Variants in KLHL29 observed in about 807,000 individuals in gnomAD.
KLHL29 encodes the protein kelch-like protein 29.
A neutral mutation model predicts 80.4 loss-of-function variants in KLHL29; 21 were observed. The observed-to-expected ratio is 0.26, with a 90% CI of 0.19 to 0.38. KLHL29 has a LOEUF of 0.38. Ranked by LOEUF, KLHL29 falls within the 10% of genes least tolerant of loss-of-function variation. The pLI, the probability that KLHL29 is intolerant of heterozygous loss-of-function variation, is 1.00. For synonymous variants in KLHL29, 511 were observed against 526.8 expected (o/e 0.97, Z 0.41); for missense variants, 867 against 1,223.9 (o/e 0.71, Z 4.35).
chr2:23,660,084 C>G (rs1034906141), intron 5 of KLHL29, among the ~76,000 whole-genome samples: 2 of 152,186 alleles, frequency 1.3e-5, no homozygotes, highest in African/African-American at 4.8e-5. Context: ...TTCCCTGGAC[C>G]CCCACACCAT....
chr2:23,436,283 TGTGTGTG>T (rs1663340505), intron 1 of KLHL29, among the ~76,000 whole-genome samples: 2 of 17,416 alleles, frequency 1.1e-4, no homozygotes, highest in Non-Finnish European at 3.0e-4. Context: ...ATCAGCTTTG[TGTGTGTG>T]TGTGTGTGTG....
chr2:23,516,241 A>G (rs1665918425), intron 2 of KLHL29, among the ~76,000 whole-genome samples: 1 of 152,130 alleles, frequency 6.6e-6, no homozygotes, highest in Non-Finnish European at 1.5e-5. Context: ...CTCTGGGGCC[A>G]TGGGCACCTG....
chr2:23,561,057 A>G (rs1253660116), intron 2 of KLHL29, among the ~76,000 whole-genome samples: 1 of 152,180 alleles, frequency 6.6e-6, no homozygotes, highest in Non-Finnish European at 1.5e-5. Context: ...GAGAATGGAA[A>G]AGGCCAAAGG....
At chr2:23,418,650 G>A (rs957107678) in intron 1 of KLHL29, among the ~76,000 whole-genome samples, 8 of 152,226 alleles carry the variant, frequency 5.3e-5, no homozygotes, top group Non-Finnish European at 1.0e-4. Flanking sequence ...GGTAGTAAGG[G>A]AAGCCTGGAC....
intron 3 of KLHL29, among the ~76,000 whole-genome samples, chr2:23,629,574 G>A (rs976774076): frequency 6.6e-6 from 1 of 152,204 alleles, no homozygotes; most frequent in Non-Finnish European, 1.5e-5. Flanking sequence ...TGGGAGGGGG[G>A]CTTGGAGGAA....
At chr2:23,475,436 A>G (rs1664607011) in intron 1 of KLHL29, 124 bp from the exon 2 acceptor site, 1 of 120,354 alleles carries the variant, frequency 8.3e-6, no homozygotes, top group Admixed American at 9.6e-5. Flanking sequence ...GCATCCAGTT[A>G]GTGTGGGGAC....
chr2:23,555,476 C>T (rs1328087414), intron 2 of KLHL29, among the ~76,000 whole-genome samples: 1 of 152,222 alleles, frequency 6.6e-6, no homozygotes, highest in Admixed American at 6.5e-5. Flanking sequence ...TCATTCCTGC[C>T]TCTCCCAGGT....
intron 1 of KLHL29, among the ~76,000 whole-genome samples, chr2:23,450,680 GGTTT>G (rs1663851990): frequency 6.6e-6 from 1 of 152,048 alleles, no homozygotes; most frequent in Non-Finnish European, 1.5e-5. Context: ...TGTATCCTCT[GGTTT>G]GTTTCTCAGG....
In KLHL29 at chr2:23,464,138, A is replaced by G. The variant is rs76227396; in HGVS notation, c.-153-11422A>G. 9.8e-4 allele frequency among the ~76,000 whole-genome samples: 149 copies of G among 152,374 alleles called. 4 individuals are homozygous for G. In the East Asian group the frequency reaches 0.02, roughly 20 times the overall value. ...ATGATTATAATATTATTCAGTGATT[A>G]CATGGGGGTGGAGGGTAGTCTGTTT... On this transcript the variant is annotated intron_variant, in intron 1 of 13. Coordinates refer to ENST00000486442, the MANE Select transcript of KLHL29 (RefSeq NM_052920.2).
chr2:23,609,212 G>A (rs1668798787), intron 3 of KLHL29, among the ~76,000 whole-genome samples: 1 of 152,200 alleles, frequency 6.6e-6, no homozygotes. Flanking sequence ...CTGTGGTCTA[G>A]GGGTGGTTAT....
intron 2 of KLHL29, among the ~76,000 whole-genome samples, chr2:23,512,884 C>T (rs561621381): frequency 4.6e-5 from 7 of 152,360 alleles, no homozygotes; most frequent in Non-Finnish European, 7.3e-5. Flanking sequence ...CAGGTGACAA[C>T]GTGTCGTACT....
intron 1 of KLHL29, among the ~76,000 whole-genome samples, chr2:23,468,460 T>C (rs1250959270): frequency 6.6e-6 from 1 of 152,172 alleles, no homozygotes; most frequent in Non-Finnish European, 1.5e-5. Flanking sequence ...TGTTTTACCC[T>C]GTGAAGCCAT....
At chr2:23,454,646 G>C in intron 1 of KLHL29, among the ~76,000 whole-genome samples, 1 of 152,070 alleles carries the variant, frequency 6.6e-6, no homozygotes, top group Non-Finnish European at 1.5e-5. Flanking sequence ...CATATCAGAG[G>C]ACTGAATAAT....
chr2:23,396,331 A>G (rs1666451783), intron 1 of KLHL29, among the ~76,000 whole-genome samples: 1 of 152,202 alleles, frequency 6.6e-6, no homozygotes, highest in East Asian at 1.9e-4. Flanking sequence ...AGCCACCCAC[A>G]TACATCCTGA....
At chr2:23,664,440 T>C (rs371695114) in intron 5 of KLHL29, among the ~76,000 whole-genome samples, 2 of 152,176 alleles carry the variant, frequency 1.3e-5, no homozygotes, top group African/African-American at 4.8e-5. Flanking sequence ...GAGCTGTGGA[T>C]GTAAATTCTG....
intron 2 of KLHL29, among the ~76,000 whole-genome samples, chr2:23,525,269 G>A (rs1666267429): frequency 6.6e-6 from 1 of 152,254 alleles, no homozygotes; most frequent in African/African-American, 2.4e-5. Context: ...TTGTCTCCTT[G>A]CCCACTGCCT....
At chr2:23,661,177 C>CA (rs950479027) in intron 5 of KLHL29, among the ~76,000 whole-genome samples, 4 of 152,036 alleles carry the variant, frequency 2.6e-5, no homozygotes, top group African/African-American at 9.7e-5. Context: ...CCCATCTCTA[C>CA]AAAAAACTTA....
intron 1 of KLHL29, among the ~76,000 whole-genome samples, chr2:23,429,862 A>G (rs1251859854): frequency 6.8e-6 from 1 of 148,006 alleles, no homozygotes; most frequent in Non-Finnish European, 1.5e-5. Flanking sequence ...ATCATTTTGT[A>G]AGTTTCCTTC....
chr2:23,694,383 C>T (rs932687853), intron 8 of KLHL29, among the ~76,000 whole-genome samples: 2 of 152,200 alleles, frequency 1.3e-5, no homozygotes, highest in East Asian at 3.9e-4. Flanking sequence ...TTCCTCCTCT[C>T]GCCAGGATTA....
Sources: allele counts gnomAD v4.1 joint callset (sites outside exome capture counted in the v4.1 genomes callset), GRCh38; gene constraint gnomAD v4.1.1; transcripts MANE v1.5; gene names NCBI Gene and HGNC (gene_info 2026-07-23, HGNC 2026-07-21).